Variants in CPQ observed in about 807,000 individuals in gnomAD.
The protein encoded by CPQ is Ser-Met dipeptidase.
In CPQ, 37 loss-of-function variants were observed where a neutral mutation model predicts 45.7. The observed-to-expected ratio is 0.81, with a 90% confidence interval of 0.62 to 1.07. The LOEUF (loss-of-function observed/expected upper bound fraction) is 1.07. Among genes scored for constraint, CPQ ranks in the 50% least tolerant of loss-of-function variants. The pLI, the probability that CPQ is intolerant of heterozygous loss-of-function variation, is 0.00. For synonymous variants in CPQ, 186 were observed against 205.8 expected (o/e 0.90, Z 0.82); for missense variants, 537 against 572.9 (o/e 0.94, Z 0.64).
intron 4 of CPQ, among the ~76,000 whole-genome samples, chr8:96,904,773 C>T (rs888026193): frequency 3.3e-5 from 5 of 152,136 alleles, no homozygotes; most frequent in Non-Finnish European, 7.4e-5. Flanking sequence ...CAACTTTATG[C>T]AATACTGCCA....
chr8:96,849,749 T>C (rs145269352), intron 3 of CPQ, among the ~76,000 whole-genome samples: 385 of 152,260 alleles, frequency 2.5e-3, no homozygotes, highest in Non-Finnish European at 4.1e-3. Context: ...CCATCACTTC[T>C]CTATGTTTTA....
At chr8:97,087,143 T>C (rs1254655602) in intron 7 of CPQ, among the ~76,000 whole-genome samples, 1 of 152,176 alleles carries the variant, frequency 6.6e-6, no homozygotes, top group East Asian at 1.9e-4. Flanking sequence ...ATGACCACAA[T>C]GGCTAATAGG....
At position 96,974,829 on chromosome 8, in the gene CPQ, C is replaced by T. The variant is rs193000830; in HGVS notation, c.961+8783C>T. 1.9e-3 allele frequency among the ~76,000 whole-genome samples: 282 copies of T among 151,944 alleles called. 2 individuals carry two copies. Among genetic ancestry groups the T allele is most frequent in the African/African-American group, 5.5e-3 (229 of 41,458 alleles). On this transcript the variant is annotated intron_variant, in intron 5 of 7. Coordinates refer to ENST00000220763, the MANE Select transcript of CPQ (RefSeq NM_016134.4). The stretch of plus-strand genomic sequence containing the variant: ...TTTTTGAACTGAATAATAATAGTGA[C>T]GCAGCCTATCAAAACCTCTGGGATA...
At chr8:96,799,586 C>A (rs1810980320) in intron 2 of CPQ, among the ~76,000 whole-genome samples, 1 of 152,132 alleles carries the variant, frequency 6.6e-6, no homozygotes, top group South Asian at 2.1e-4. Flanking sequence ...GATCTGACTA[C>A]AAAGTGTCAG....
intron 7 of CPQ, among the ~76,000 whole-genome samples, chr8:97,084,614 C>T (rs991731498): frequency 2.0e-5 from 3 of 152,170 alleles, no homozygotes; most frequent in Non-Finnish European, 4.4e-5. Context: ...ATTACAGAGG[C>T]ACATACAGTG....
chr8:97,067,052 G>A (rs376871895), intron 7 of CPQ, among the ~76,000 whole-genome samples: 7 of 149,074 alleles, frequency 4.7e-5, no homozygotes, highest in African/African-American at 1.7e-4. Flanking sequence ...TCAGCCTCCC[G>A]AGTAGCTGGG....
At chr8:96,830,278 G>A (rs1864383) in intron 2 of CPQ, among the ~76,000 whole-genome samples, 86,397 of 151,922 alleles carry the variant, frequency 0.57, 25,949 homozygotes, top group East Asian at 0.89. Flanking sequence ...TTTTTATTTT[G>A]ATGGTAGAAA....
intron 2 of CPQ, among the ~76,000 whole-genome samples, chr8:96,823,916 T>C (rs989161228): frequency 1.5e-4 from 23 of 152,018 alleles, no homozygotes; most frequent in Non-Finnish European, 2.8e-4. Context: ...ACTTTAACTT[T>C]TGTTCTAGGT....
intron 4 of CPQ, among the ~76,000 whole-genome samples, chr8:96,902,794 A>G (rs1246649523): frequency 1.3e-5 from 2 of 152,196 alleles, no homozygotes; most frequent in Non-Finnish European, 2.9e-5. Context: ...CACCCTGGAC[A>G]TGAAGGAGAG....
rs1175244937 is a variant in CPQ at position 96,893,561 on chromosome 8, C to A, written c.849+13556C>A. On this transcript the variant is annotated intron_variant, in intron 4 of 7. Coordinates refer to ENST00000220763, the MANE Select transcript of CPQ (RefSeq NM_016134.4). ...CTGATATTGTCCCACATAATCCCAA[C>A]AATAGGACTGATAATAATGATTCCC... 4.6e-5 allele frequency among the ~76,000 whole-genome samples: 7 copies of A among 152,078 alleles called. No homozygotes were observed. In the South Asian group the frequency reaches 1.5e-3, roughly 32 times the overall value.
At chr8:97,044,859 G>A (rs1463926382) in intron 6 of CPQ, among the ~76,000 whole-genome samples, 2 of 152,166 alleles carry the variant, frequency 1.3e-5, no homozygotes, top group Non-Finnish European at 2.9e-5. Context: ...TGTCTCAGAG[G>A]AGTACCCGGC....
In CPQ at chr8:96,790,212, C is replaced by G. The variant is rs112606828; in HGVS notation, c.433+4882C>G. 4.7e-3 allele frequency among the ~76,000 whole-genome samples: 711 copies of G among 152,176 alleles called. 5 individuals are homozygous for G. The highest frequency in any genetic ancestry group is 0.016 in the African/African-American group (656 of 41,534). ...CTTCATCCTTATGGCTTCTCTCTTC[C>G]CCCAGGAGAACATTCGTGCTACTGC... On this transcript the variant is annotated intron_variant, in intron 2 of 7. Transcript: ENST00000220763.
chr8:97,117,152 G>A (rs1431887), intron 7 of CPQ, among the ~76,000 whole-genome samples: 30,030 of 152,152 alleles, frequency 0.2, 3,069 homozygotes, highest in South Asian at 0.34. Flanking sequence ...GGTTTTTCAT[G>A]TATATTTTTA....
intron 1 of CPQ, among the ~76,000 whole-genome samples, chr8:96,763,198 C>T (rs374827633): frequency 6.6e-6 from 1 of 152,240 alleles, no homozygotes; most frequent in African/African-American, 2.4e-5. Flanking sequence ...AGACTATTTC[C>T]AAATGCAGTC....
At chr8:96,876,933 T>C (rs1586434889) in intron 3 of CPQ, among the ~76,000 whole-genome samples, 2 of 152,304 alleles carry the variant, frequency 1.3e-5, no homozygotes, top group East Asian at 3.9e-4. Flanking sequence ...ATGACAGTAA[T>C]GGTGGCCTTG....
intron 3 of CPQ, among the ~76,000 whole-genome samples, chr8:96,850,772 G>C (rs1297859288): frequency 6.6e-6 from 1 of 151,868 alleles, no homozygotes; most frequent in Admixed American, 6.6e-5. Flanking sequence ...ACCACACCTG[G>C]CTAATTTTAT....
intron 5 of CPQ, among the ~76,000 whole-genome samples, chr8:96,972,954 G>T (rs764551771): frequency 6.6e-6 from 1 of 151,968 alleles, no homozygotes; most frequent in African/African-American, 2.4e-5. Flanking sequence ...AAAACATCTG[G>T]GTAATATGAG....
chr8:96,757,346 A>T (rs967260434), intron 1 of CPQ, among the ~76,000 whole-genome samples: 4 of 126,482 alleles, frequency 3.2e-5, no homozygotes, highest in Non-Finnish European at 6.6e-5. Context: ...GCAAGACTCC[A>T]TCTCAATGAT....
chr8:96,904,852 A>G (rs1315809935), intron 4 of CPQ, among the ~76,000 whole-genome samples: 2 of 152,148 alleles, frequency 1.3e-5, no homozygotes, highest in African/African-American at 2.4e-5. Flanking sequence ...ATGAAATAGA[A>G]TCTGAACAGC....
Sources: allele counts gnomAD v4.1 joint callset (sites outside exome capture counted in the v4.1 genomes callset), GRCh38; gene constraint gnomAD v4.1.1; transcripts MANE v1.5; gene names NCBI Gene and HGNC (gene_info 2026-07-23, HGNC 2026-07-21).